OGT: variants seen among roughly 807,000 people sequenced by gnomAD.
OGT encodes UDP-N-acetylglucosamine--peptide N-acetylglucosaminyltransferase 110 kDa subunit.
A neutral mutation model predicts 75.8 loss-of-function variants in OGT; 3 were observed. The observed-to-expected ratio is 0.04, with a 90% CI of 0.02 to 0.10. The LOEUF (loss-of-function observed/expected upper bound fraction) is 0.10, where lower values mean the gene tolerates loss of function less well. OGT is among the 10% of genes least tolerant of loss of function. The probability of loss-of-function intolerance (pLI) is 1.00; values close to 1 mark genes in which losing one functional copy is unlikely to be tolerated. For synonymous variants in OGT, 257 were observed against 289.7 expected, an observed-to-expected ratio of 0.89 and a Z score of 1.15; for missense variants, 260 against 824.4, an observed-to-expected ratio of 0.32 and a Z score of 8.38.
intron 1 of OGT, among the ~76,000 whole-genome samples, chrX:71,535,146 CT>C (rs2040166474): frequency 9.5e-6 from 1 of 105,657 alleles, no homozygotes; most frequent in African/African-American, 3.5e-5. Flanking sequence ...TTTTTTTTCC[CT>C]CTCTGGGCTT....
At chrX:71,554,431 G>T in intron 5 of OGT, 82 bp from the exon 6 acceptor site, 1 of 612,180 alleles carries the variant, frequency 1.6e-6, no homozygotes, top group Non-Finnish European at 2.7e-6. Flanking sequence ...CAAGGACCTT[G>T]GAGTAAAAAA....
intron 5 of OGT, among the ~76,000 whole-genome samples, chrX:71,549,863 A>T (rs1164641879): frequency 3.6e-5 from 4 of 111,907 alleles, no homozygotes; most frequent in African/African-American, 9.7e-5. Context: ...GCAGGAATTT[A>T]AAAAAAATTT....
At chrX:71,534,032 G>C (rs2040155557) in intron 1 of OGT, among the ~76,000 whole-genome samples, 1 of 110,899 alleles carries the variant, frequency 9.0e-6, no homozygotes, top group Non-Finnish European at 1.9e-5. Flanking sequence ...CCCTCAGCCT[G>C]GATTTCCCAC....
intron 21 of OGT, among the ~76,000 whole-genome samples, chrX:71,568,508 A>G (rs764882330): frequency 7.1e-5 from 8 of 112,456 alleles, no homozygotes; most frequent in Non-Finnish European, 1.5e-4. Context: ...AAAGTGTTTC[A>G]GGCTCTGTAG....
rs2040490611 is a variant in OGT, at chrX:71,575,486, T to A, written c.*1692T>A. On this transcript the variant is annotated 3_prime_UTR_variant, in exon 22 of 22. Coordinates refer to ENST00000373719, the MANE Select transcript of OGT (RefSeq NM_181672.3). The stretch of plus-strand genomic sequence containing the variant: ...GATTTCTTAATTTATTTTTTACCGG[T>A]TGATTGAAATATCAGTTAAAGGTTG... 8.9e-6 allele frequency: 1 copy of A among 112,708 alleles called. No individual in the cohort carries two copies. Among genetic ancestry groups the A allele is most frequent in the Non-Finnish European group, 1.9e-5 (1 of 53,294 alleles). 9.3% of individuals were successfully genotyped at this position (112,708 alleles called of 1,213,427 possible).
At chrX:71,565,775 A>G (rs752806560) in intron 19 of OGT, among the ~76,000 whole-genome samples, 5 of 112,632 alleles carry the variant, frequency 4.4e-5, no homozygotes, top group Non-Finnish European at 7.5e-5. Flanking sequence ...GGCATTTTGT[A>G]AATGATGAGT....
At chrX:71,561,677 T>TTAAATGCCATTAAAAC (rs988592169) in intron 14 of OGT, 98 bp from the exon 15 acceptor site, 1 of 662,059 alleles carries the variant, frequency 1.5e-6, no homozygotes, top group African/African-American at 2.3e-5. Context: ...CTGAATTATG[T>TTAAATGCCATTAAAAC]TAAATGCCAT....
chrX:71,543,113 A>G (rs957926321), intron 3 of OGT, among the ~76,000 whole-genome samples: 2 of 111,735 alleles, frequency 1.8e-5, no homozygotes, highest in Admixed American at 9.5e-5. Flanking sequence ...GATGGATGAT[A>G]CTATACAACC....
intron 4 of OGT, chrX:71,544,972 G>A (rs986919552): frequency 1.4e-5 from 3 of 215,448 alleles, no homozygotes; most frequent in South Asian, 2.2e-4. Flanking sequence ...CCTGTGATTT[G>A]GCTCAAGACT....
intron 3 of OGT, among the ~76,000 whole-genome samples, chrX:71,543,797 C>CTT (rs1304788174): frequency 1.8e-5 from 1 of 55,477 alleles, no homozygotes; most frequent in Non-Finnish European, 3.6e-5. Context: ...TATATATTTC[C>CTT]TTTTTTTTTT....
chrX:71,562,002 G>C (rs1045930865), intron 15 of OGT, 102 bp downstream of exon 15: 104 of 840,061 alleles, frequency 1.2e-4, no homozygotes, highest in Non-Finnish European at 1.7e-4. Context: ...GAAACTGTAG[G>C]GCAGACATAC....
chrX:71,537,595 G>A lies in OGT; in HGVS notation c.219-234G>A, dbSNP rs951344720. 3.5e-5 allele frequency among the ~76,000 whole-genome samples: 4 copies of A among 112,785 alleles called. No individual in the cohort carries two copies. The East Asian group carries it at 1.1e-3, about 31-fold the overall frequency. ...TGGGATTACAGGCGTGAGCCACTGCGCCCAGCCAATAATTTTATTTAATAA... is the reference window on the plus strand; with the variant it reads ...TGGGATTACAGGCGTGAGCCACTGCACCCAGCCAATAATTTTATTTAATAA... On this transcript the variant is annotated intron_variant, in intron 2 of 21. Transcript: ENST00000373719.
chrX:71,536,703 C>T (rs1451194913), intron 2 of OGT: 9 of 167,639 alleles, frequency 5.4e-5, no homozygotes, highest in South Asian at 1.6e-4. Flanking sequence ...GACTGAAATG[C>T]TCAGAAATGA....
At position 71,574,729 on chromosome X, in the gene OGT, A is replaced by T. The variant is rs1157639278; in HGVS notation, c.*935A>T. 1 of 104,690 alleles carries T rather than the reference A, an allele frequency of 9.6e-6. No homozygotes were observed. The highest frequency in any genetic ancestry group is 1.1e-4 in the Admixed American group (1 of 9,450). 8.6% of individuals were successfully genotyped at this position (104,690 alleles called of 1,213,427 possible). ...TGCTTCCAAAAGTGATAGTGTGTGT[A>T]AGATTTTTACCTTCCTTTCTAAAGT... On this transcript the variant is annotated 3_prime_UTR_variant, in exon 22 of 22. Transcript: ENST00000373719.
intron 12 of OGT, among the ~76,000 whole-genome samples, chrX:71,558,577 G>A (rs1254457247): frequency 2.7e-5 from 3 of 109,130 alleles, no homozygotes; most frequent in Non-Finnish European, 5.7e-5. Context: ...GGCTGGTCTC[G>A]AAATCCTGAC....
rs796543853 is a variant in OGT at position 71,548,108 on chromosome X, A to G, written c.648+85A>G. The G allele has an allele frequency of 3.0e-5, 28 of 926,328 alleles. No individual in the cohort carries two copies. The South Asian group carries it at 5.1e-4, about 17-fold the overall frequency. The allele number at this position is 926,328 out of a possible 1,213,427, so 76.3% of individuals were successfully genotyped here. ...TAGAACTAAATAATAGGTCTTAGCCAGTGACATTATATCTTTGTTTCTCTG... is the reference window on the plus strand; with the variant it reads ...TAGAACTAAATAATAGGTCTTAGCCGGTGACATTATATCTTTGTTTCTCTG... On this transcript the variant is annotated intron_variant, in intron 5 of 21. Coordinates refer to ENST00000373719, the MANE Select transcript of OGT (RefSeq NM_181672.3).
chrX:71,563,719 AT>A (rs2040399193), intron 18 of OGT, among the ~76,000 whole-genome samples: 2 of 112,063 alleles, frequency 1.8e-5, no homozygotes, highest in African/African-American at 6.5e-5. Context: ...CTGTGTTAAT[AT>A]CTTGTTATTC....
At chrX:71,552,026 G>A (rs1247572109) in intron 5 of OGT, among the ~76,000 whole-genome samples, 4 of 109,926 alleles carry the variant, frequency 3.6e-5, no homozygotes, top group Non-Finnish European at 7.6e-5. Flanking sequence ...TGGCCAACAT[G>A]GTGCAACCCC....
At chrX:71,547,861 C>T in intron 4 of OGT, 46 bp from the exon 5 acceptor site, 1 of 1,165,839 alleles carries the variant, frequency 8.6e-7, no homozygotes, top group Non-Finnish European at 1.1e-6. Context: ...TCCCCTTTCC[C>T]TTTACCTCCT....
Sources: gnomAD v4.1 joint callset for allele counts (sites outside exome capture counted in the v4.1 genomes callset) on GRCh38, gnomAD v4.1.1 for gene constraint, MANE v1.5 for transcripts, NCBI Gene and HGNC (gene_info 2026-07-23, HGNC 2026-07-21) for gene names.